Variants in FIG4 observed in about 807,000 individuals in gnomAD.
FIG4 encodes the protein FIG4 phosphoinositide 5-phosphatase.
FIG4 carries 112 observed loss-of-function variants against 118.6 expected under a neutral mutation model. The ratio of observed to expected loss-of-function variants is 0.94; its 90% confidence interval spans 0.81 to 1.11. The LOEUF (loss-of-function observed/expected upper bound fraction) is 1.11. Among genes scored for constraint, FIG4 ranks in the 50% least tolerant of loss-of-function variants. The pLI is 0.00. For missense variants in FIG4, 969 were observed against 1,111.7 expected, an observed-to-expected ratio of 0.87 and a Z score of 1.83; for synonymous variants, 369 against 381.2, an observed-to-expected ratio of 0.97 and a Z score of 0.37.
intron 1 of FIG4, among the ~76,000 whole-genome samples, chr6:109,714,249 G>A (rs766698038): frequency 6.6e-5 from 10 of 152,128 alleles, no homozygotes; most frequent in Non-Finnish European, 1.0e-4. Context: ...TGGGGGCCAG[G>A]AATGAATGCC....
chr6:109,743,596 TA>T (rs1441604250), intron 9 of FIG4, 78 bp from the exon 10 acceptor site: 3 of 1,134,452 alleles, frequency 2.6e-6, no homozygotes, highest in Non-Finnish European at 4.0e-6. Context: ...TGCATTTCTT[TA>T]AAAAAACAAC....
intron 10 of FIG4, among the ~76,000 whole-genome samples, chr6:109,754,730 A>T (rs913538789): frequency 4.6e-5 from 7 of 151,980 alleles, no homozygotes; most frequent in Admixed American, 1.3e-4. Context: ...ATTTGCGTAG[A>T]GGTGTTTGTA....
intron 10 of FIG4, among the ~76,000 whole-genome samples, chr6:109,759,497 C>G (rs2128390830): frequency 1.3e-5 from 2 of 152,286 alleles, no homozygotes; most frequent in Middle Eastern, 6.8e-3. Flanking sequence ...ACTGTTTTTA[C>G]CCTATTTTAT....
At chr6:109,803,540 T>A (rs1306038370) in intron 22 of FIG4, among the ~76,000 whole-genome samples, 2 of 152,100 alleles carry the variant, frequency 1.3e-5, no homozygotes, top group Non-Finnish European at 1.5e-5. Context: ...GGGCCTCAAG[T>A]GGTTTTAGAT....
In FIG4 at chr6:109,778,737, T is replaced by A. The variant is rs999575802; in HGVS notation, c.1889+1677T>A. 2.6e-5 allele frequency among the ~76,000 whole-genome samples: 4 copies of A among 152,090 alleles called. No individual in the cohort carries two copies. The East Asian group carries it at 7.8e-4, about 30-fold the overall frequency. ...CCTCGGCCTCCCGAGTAGCTGGGAC[T>A]ATGGGTGCCCACCACCATGCCCAGC... On this transcript the variant is annotated intron_variant, in intron 16 of 22. Coordinates refer to ENST00000230124, the MANE Select transcript of FIG4 (RefSeq NM_014845.6).
intron 10 of FIG4, among the ~76,000 whole-genome samples, chr6:109,753,224 T>C (rs1222911838): frequency 2.0e-5 from 3 of 152,156 alleles, no homozygotes; most frequent in African/African-American, 7.2e-5. Flanking sequence ...TCAGACGAGA[T>C]CGGGCGTGTT....
chr6:109,796,628 A>G, intron 21 of FIG4, 137 bp from the exon 22 acceptor site: 1 of 728,898 alleles, frequency 1.4e-6, no homozygotes, highest in South Asian at 1.4e-5. Flanking sequence ...GTCTTATGTT[A>G]CATACAGTAC....
intron 22 of FIG4, among the ~76,000 whole-genome samples, chr6:109,816,401 C>T (rs1778863467): frequency 6.6e-6 from 1 of 152,140 alleles, no homozygotes; most frequent in Non-Finnish European, 1.5e-5. Flanking sequence ...GACTCACTGC[C>T]CAGAGGAGCC....
rs10499054 is a variant in FIG4 at position 109,785,031 on chromosome 6, A to T, written c.1948+3A>T. 2.6e-6 allele frequency: 4 copies of T among 1,526,332 alleles called. No homozygotes were observed. In the South Asian group the frequency reaches 4.5e-5, roughly 17 times the overall value. 94.5% of individuals were successfully genotyped at this position (1,526,332 alleles called of 1,614,324 possible). A position where few individuals can be genotyped will look rare whatever the true frequency, so the allele number is the denominator to read the frequency against. On this transcript the variant is annotated splice_donor_region_variant and intron_variant, in intron 17 of 22. Coordinates refer to ENST00000230124, the MANE Select transcript of FIG4 (RefSeq NM_014845.6). ...TTTACCATTGCCCTATGATGAAGGT[A>T]GGTAACTGTTTGTGTTTTAGTTTTT...
At chr6:109,700,097 G>T (rs1377970851) in intron 1 of FIG4, among the ~76,000 whole-genome samples, 2 of 152,160 alleles carry the variant, frequency 1.3e-5, no homozygotes, top group East Asian at 3.9e-4. Context: ...TTGCATTAAG[G>T]ATTAGGTTTC....
At chr6:109,762,291 G>A in intron 12 of FIG4, 84 bp downstream of exon 12, 1 of 833,198 alleles carries the variant, frequency 1.2e-6, no homozygotes, top group South Asian at 1.4e-5. Flanking sequence ...GTACTACTTG[G>A]AAATTGGATG....
chr6:109,795,095 G>T (rs201005229), intron 21 of FIG4, among the ~76,000 whole-genome samples: 1,885 of 57,256 alleles, frequency 0.033, 45 homozygotes, highest in East Asian at 0.12. Context: ...ACACTTGCCA[G>T]TTTTTTTTTT....
At chr6:109,718,353 G>A (rs1338983314) in intron 3 of FIG4, among the ~76,000 whole-genome samples, 1 of 152,156 alleles carries the variant, frequency 6.6e-6, no homozygotes, top group Admixed American at 6.5e-5. Context: ...AGACACAAAT[G>A]CAAACCGTAT....
At chr6:109,728,351 C>A (rs557240204) in intron 4 of FIG4, among the ~76,000 whole-genome samples, 67 of 151,730 alleles carry the variant, frequency 4.4e-4, no homozygotes, top group African/African-American at 1.5e-3. Context: ...CTGAAATGTT[C>A]AAAAGTTTTG....
At chr6:109,816,251 G>A (rs1778859186) in intron 22 of FIG4, among the ~76,000 whole-genome samples, 1 of 152,140 alleles carries the variant, frequency 6.6e-6, no homozygotes, top group South Asian at 2.1e-4. Context: ...GGACACTTAG[G>A]TCTTGTTTTG....
rs571649446 is a variant in FIG4 at position 109,795,095 on chromosome 6, G to GTTTTTTTTTTTTTTTTTTTTTTTTTTT, written c.2460-1656_2460-1630dup. Among the ~76,000 whole-genome samples, 6 of 57,250 alleles carry GTTTTTTTTTTTTTTTTTTTTTTTTTTT rather than the reference G, an allele frequency of 1.0e-4. 3 individuals are homozygous for GTTTTTTTTTTTTTTTTTTTTTTTTTTT. Among genetic ancestry groups the GTTTTTTTTTTTTTTTTTTTTTTTTTTT allele is most frequent in the Admixed American group, 5.6e-4 (2 of 3,566 alleles). 37.6% of individuals were successfully genotyped at this position (57,250 alleles called of 152,430 possible). A position where few individuals can be genotyped will look rare whatever the true frequency, so the allele number is the denominator to read the frequency against. On this transcript the variant is annotated intron_variant, in intron 21 of 22. Transcript: ENST00000230124. ...TCCTCAAAGCTTCATACACTTGCCAGTTTTTTTTTTTTTTTTTTTTTTTTT... is the reference window on the plus strand; with the variant it reads ...TCCTCAAAGCTTCATACACTTGCCAGTTTTTTTTTTTTTTTTTTTTTTTTTTTTTTTTTTTTTTTTTTTTTTTTTTTT...
chr6:109,694,055 T>G (rs547679360), intron 1 of FIG4, among the ~76,000 whole-genome samples: 27 of 152,276 alleles, frequency 1.8e-4, no homozygotes, highest in Admixed American at 6.5e-4. Flanking sequence ...CAAAATATTC[T>G]ACATATATTT....
At chr6:109,759,255 AC>A (rs1777022218) in intron 10 of FIG4, among the ~76,000 whole-genome samples, 2 of 152,200 alleles carry the variant, frequency 1.3e-5, no homozygotes, top group South Asian at 4.1e-4. Flanking sequence ...ACCATGGAAT[AC>A]TATGCAGCCA....
chr6:109,818,014 C>G (rs2128401480), intron 22 of FIG4, among the ~76,000 whole-genome samples: 1 of 152,332 alleles, frequency 6.6e-6, no homozygotes, highest in South Asian at 2.1e-4. Context: ...AACCATATGG[C>G]AAACCATCAG....
Sources: gnomAD v4.1 joint callset for allele counts (sites outside exome capture counted in the v4.1 genomes callset) on GRCh38, gnomAD v4.1.1 for gene constraint, MANE v1.5 for transcripts, NCBI Gene and HGNC (gene_info 2026-07-23, HGNC 2026-07-21) for gene names.